SPECC1L: variants seen among roughly 807,000 people sequenced by gnomAD.
SPECC1L encodes sperm antigen with calponin homology and coiled-coil domains 1 like, also known as cytospin-A.
SPECC1L carries 40 observed loss-of-function variants against 116.8 expected under a neutral mutation model. The ratio of observed to expected loss-of-function variants is 0.34; its 90% CI spans 0.27 to 0.45. The LOEUF (loss-of-function observed/expected upper bound fraction) is 0.45. SPECC1L is among the 20% of genes least tolerant of loss of function. The pLI, the probability that SPECC1L is intolerant of heterozygous loss-of-function variation, is 1.00. For missense variants in SPECC1L, 1,110 were observed against 1,373.6 expected, an observed-to-expected ratio of 0.81 and a Z score of 3.03; for synonymous variants, 504 against 500.6, an observed-to-expected ratio of 1.01 and a Z score of -0.09.
chr22:24,287,829 G>C (rs1009073650), intron 2 of SPECC1L, among the ~76,000 whole-genome samples: 19 of 152,162 alleles, frequency 1.2e-4, no homozygotes, highest in Non-Finnish European at 2.4e-4. Context: ...TCGGGGTTTA[G>C]TTTCTTTCCT....
At chr22:24,345,891 C>A (rs907646185) in intron 10 of SPECC1L, among the ~76,000 whole-genome samples, 1 of 152,084 alleles carries the variant, frequency 6.6e-6, no homozygotes, top group African/African-American at 2.4e-5. Context: ...AAAACATAGA[C>A]AAGCAACGTG....
At chr22:24,319,873 T>C (rs2040684928) in intron 4 of SPECC1L, among the ~76,000 whole-genome samples, 1 of 152,242 alleles carries the variant, frequency 6.6e-6, no homozygotes, top group Admixed American at 6.5e-5. Flanking sequence ...TACTTATTGA[T>C]TAGATGTGGA....
In SPECC1L at chr22:24,416,194, G is replaced by C. The variant is rs894466165; in HGVS notation, c.*1571G>C. ...TTATTAGGAAAGGGGCTGTGCATGTGGGTGCAGCTGGCGGCACACCTGGTC... is the reference window on the plus strand; with the variant it reads ...TTATTAGGAAAGGGGCTGTGCATGTCGGTGCAGCTGGCGGCACACCTGGTC... On this transcript the variant is annotated 3_prime_UTR_variant, in exon 17 of 17. Transcript: ENST00000314328. 6.6e-6 allele frequency: 1 copy of C among 152,252 alleles called. No individual in the cohort carries two copies. Among genetic ancestry groups the C allele is most frequent in the East Asian group, 1.9e-4 (1 of 5,200 alleles). 9.4% of individuals were successfully genotyped at this position (152,252 alleles called of 1,614,324 possible).
chr22:24,319,318 G>A lies in SPECC1L; in HGVS notation c.308-1970G>A, dbSNP rs114844930. Among the ~76,000 whole-genome samples, 913 of 152,346 alleles carry A rather than the reference G, an allele frequency of 6.0e-3. 5 individuals carry two copies. Among genetic ancestry groups the A allele is most frequent in the African/African-American group, 0.021 (879 of 41,580 alleles). On this transcript the variant is annotated intron_variant, in intron 4 of 16. Coordinates refer to ENST00000314328, the MANE Select transcript of SPECC1L (RefSeq NM_015330.6). The stretch of plus-strand genomic sequence containing the variant: ...CTTCTCCACATAGTGGCAGGAAGGA[G>A]GAGAATGAGAGCCAAGCAAAGGGGA...
intron 13 of SPECC1L, among the ~76,000 whole-genome samples, chr22:24,366,440 G>A (rs55826560): frequency 0.016 from 2,452 of 152,142 alleles, 53 homozygotes; most frequent in African/African-American, 0.056. Flanking sequence ...TGATCCACCC[G>A]CCTCGGCCTC....
At chr22:24,360,910 A>G (rs903575841) in intron 11 of SPECC1L, among the ~76,000 whole-genome samples, 2 of 152,182 alleles carry the variant, frequency 1.3e-5, no homozygotes, top group African/African-American at 4.8e-5. Flanking sequence ...GTAAATGCCA[A>G]CTGCCAACAG....
intron 8 of SPECC1L, among the ~76,000 whole-genome samples, chr22:24,334,117 A>G (rs905958057): frequency 1.6e-4 from 24 of 148,860 alleles, no homozygotes; most frequent in African/African-American, 5.8e-4. Flanking sequence ...GGTTCACACC[A>G]TTCTCCTGCC....
chr22:24,396,054 A>G (rs1191007469), intron 14 of SPECC1L, among the ~76,000 whole-genome samples: 1 of 152,236 alleles, frequency 6.6e-6, no homozygotes, highest in Non-Finnish European at 1.5e-5. Context: ...TTGGGTGTCA[A>G]GTGACAGAGT....
At chr22:24,323,102 A>AT (rs2040752636) in intron 5 of SPECC1L, 184 bp downstream of exon 5, 23 of 982,796 alleles carry the variant, frequency 2.3e-5, no homozygotes, top group Non-Finnish European at 2.7e-5. Flanking sequence ...TTCTTAAGAT[A>AT]ATGTCACTTT....
chr22:24,350,373 A>C (rs886404128), intron 11 of SPECC1L, among the ~76,000 whole-genome samples: 3 of 152,188 alleles, frequency 2.0e-5, no homozygotes, highest in Non-Finnish European at 2.9e-5. Flanking sequence ...CATCCTCAGC[A>C]CCTGTAGAAG....
chr22:24,337,876 G>A (rs968962194), intron 9 of SPECC1L, among the ~76,000 whole-genome samples: 2 of 152,112 alleles, frequency 1.3e-5, no homozygotes, highest in South Asian at 4.1e-4. Flanking sequence ...ATGCCAACAA[G>A]TGATTCCACA....
At chr22:24,290,454 G>A (rs972471629) in intron 2 of SPECC1L, among the ~76,000 whole-genome samples, 37 of 152,306 alleles carry the variant, frequency 2.4e-4, no homozygotes, top group Non-Finnish European at 5.9e-5. Context: ...TTTAGGCATA[G>A]TATAAAATCT....
At chr22:24,382,200 T>C (rs1353372229) in intron 14 of SPECC1L, among the ~76,000 whole-genome samples, 3 of 152,288 alleles carry the variant, frequency 2.0e-5, no homozygotes, top group African/African-American at 7.2e-5. Flanking sequence ...GCCAAAATTA[T>C]AGAGAAAAAT....
intron 14 of SPECC1L, among the ~76,000 whole-genome samples, chr22:24,386,521 T>A (rs1367561084): frequency 1.3e-5 from 2 of 152,084 alleles, no homozygotes; most frequent in Admixed American, 6.5e-5. Context: ...ATGTAGGAAA[T>A]ACTAACAAAG....
In SPECC1L at chr22:24,287,358, G is replaced by C. The variant is rs1182720910; in HGVS notation, c.-38+10555G>C. Among the ~76,000 whole-genome samples, 10 of 152,150 alleles carry C rather than the reference G, an allele frequency of 6.6e-5. No homozygotes were observed. In the South Asian group the frequency reaches 2.1e-3, roughly 32 times the overall value. On this transcript the variant is annotated intron_variant, in intron 2 of 16. Coordinates refer to ENST00000314328, the MANE Select transcript of SPECC1L (RefSeq NM_015330.6). ...GTGGCCTGGTGGGATGTGTGCTTTA[G>C]AGTGTGGACACACAGCTGTGGCACA... is the stretch of plus-strand genomic sequence containing the variant.
intron 11 of SPECC1L, among the ~76,000 whole-genome samples, chr22:24,354,725 G>A (rs1203304942): frequency 6.7e-6 from 1 of 148,234 alleles, no homozygotes; most frequent in East Asian, 2.0e-4. Context: ...GCAACGGTGT[G>A]ATCTCGGCTC....
At chr22:24,335,405 G>A (rs2041031864) in intron 9 of SPECC1L, among the ~76,000 whole-genome samples, 1 of 152,108 alleles carries the variant, frequency 6.6e-6, no homozygotes, top group Admixed American at 6.6e-5. Context: ...ACTCACTATA[G>A]TCCTACACAG....
intron 14 of SPECC1L, among the ~76,000 whole-genome samples, chr22:24,390,885 T>TTC: frequency 1.4e-4 from 18 of 127,900 alleles, no homozygotes; most frequent in Middle Eastern, 7.3e-3. Context: ...TTTTTTTTTT[T>TTC]TTTTTTTTTT....
chr22:24,342,536 G>A (rs2041197829), intron 10 of SPECC1L, among the ~76,000 whole-genome samples: 2 of 152,038 alleles, frequency 1.3e-5, no homozygotes, highest in South Asian at 2.1e-4. Context: ...AGCCAGGCAC[G>A]GTGGTGTGTG....
Sources: gnomAD v4.1 joint callset for allele counts (sites outside exome capture counted in the v4.1 genomes callset) on GRCh38, gnomAD v4.1.1 for gene constraint, MANE v1.5 for transcripts, NCBI Gene and HGNC (gene_info 2026-07-23, HGNC 2026-07-21) for gene names.